The following TMEM184B variants were observed in gnomAD, a reference collection of about 807,000 sequenced individuals.
TMEM184B encodes the protein transmembrane protein 184B, also known as putative MAPK-activating protein FM08.
A neutral mutation model predicts 41.8 loss-of-function variants in TMEM184B; 17 were observed. That is an observed-to-expected ratio of 0.41 (90% CI 0.28 to 0.61). The LOEUF is 0.61. Ranked by LOEUF, TMEM184B falls within the 20% of genes least tolerant of loss-of-function variation. The pLI, the probability that TMEM184B is intolerant of heterozygous loss-of-function variation, is 0.34. For synonymous variants in TMEM184B, 240 were observed against 229.5 expected (o/e 1.05, Z -0.41); for missense variants, 393 against 557.8 (o/e 0.70, Z 2.98).
intron 3 of TMEM184B, among the ~76,000 whole-genome samples, chr22:38,236,230 C>G (rs1569027388): frequency 6.6e-6 from 1 of 152,176 alleles, no homozygotes; most frequent in Non-Finnish European, 1.5e-5. Context: ...CGCTCCCCAC[C>G]CCCATGCCCC....
intron 2 of TMEM184B, chr22:38,246,826 G>C (rs1359433919): frequency 7.7e-7 from 1 of 1,300,052 alleles, no homozygotes; most frequent in Non-Finnish European, 1.0e-6. Context: ...AGTCCAGGCA[G>C]CCCCTGGGTG....
At chr22:38,248,894 C>T (rs7290613) in intron 1 of TMEM184B, among the ~76,000 whole-genome samples, 6,113 of 152,268 alleles carry the variant, frequency 0.04, 399 homozygotes, top group African/African-American at 0.14. Context: ...ATGGCTGACC[C>T]ACTCCCCATC....
chr22:38,263,045 G>A (rs904516809), intron 1 of TMEM184B, among the ~76,000 whole-genome samples: 1 of 152,166 alleles, frequency 6.6e-6, no homozygotes, highest in Non-Finnish European at 1.5e-5. Context: ...TGGGATTACA[G>A]GCATGTACCA....
At chr22:38,261,435 G>A (rs1271980230) in intron 1 of TMEM184B, among the ~76,000 whole-genome samples, 2 of 152,142 alleles carry the variant, frequency 1.3e-5, no homozygotes, top group African/African-American at 4.8e-5. Context: ...CAAGTTCCCA[G>A]GAATCTCTCA....
rs1048711027 is a variant in TMEM184B, at chr22:38,244,528, C to A, written c.358+1407G>T. Among the ~76,000 whole-genome samples the A allele has an allele frequency of 1.4e-4, 22 of 152,106 alleles. 1 individual carries two copies. Among genetic ancestry groups the A allele is most frequent in the African/African-American group, 5.3e-4 (22 of 41,508 alleles). On this transcript the variant is annotated intron_variant, in intron 3 of 8. Transcript: ENST00000361906. Reference sequence around the variant, plus strand: ...CTGGAGTGCAATGGCACGACCTCAGCTCACCACAACCTCTGCCTCCCAGGT... The same window carrying A: ...CTGGAGTGCAATGGCACGACCTCAGATCACCACAACCTCTGCCTCCCAGGT...
In TMEM184B at chr22:38,221,199, G is replaced by A. The variant is rs988465393; in HGVS notation, c.*270C>T. On this transcript the variant is annotated 3_prime_UTR_variant, in exon 9 of 9. Transcript: ENST00000361906. Reference sequence around the variant, plus strand: ...TCCCAGCATGCCCCCAGCACAGGACGGGCAGCAGGGGCATAAGCCTTGCTC... The same window carrying A: ...TCCCAGCATGCCCCCAGCACAGGACAGGCAGCAGGGGCATAAGCCTTGCTC... The A allele has an allele frequency of 1.1e-5, 15 of 1,309,572 alleles. No homozygotes were observed. Among genetic ancestry groups the A allele is most frequent in the Non-Finnish European group, 1.5e-5 (15 of 1,029,220 alleles). 81.1% of individuals were successfully genotyped at this position (1,309,572 alleles called of 1,614,324 possible). A position where few individuals can be genotyped will look rare whatever the true frequency, so the allele number is the denominator to read the frequency against.
At chr22:38,268,404 C>T (rs536495499) in intron 1 of TMEM184B, among the ~76,000 whole-genome samples, 2 of 150,384 alleles carry the variant, frequency 1.3e-5, no homozygotes, top group East Asian at 3.9e-4. Flanking sequence ...AGAATTCTGG[C>T]AGACTCAGAC....
At chr22:38,231,094 G>T in intron 4 of TMEM184B, 150 bp downstream of exon 4, 1 of 743,806 alleles carries the variant, frequency 1.3e-6, no homozygotes, top group South Asian at 1.5e-5. Context: ...ACGCCCAGAA[G>T]AATGGCGTTG....
intron 3 of TMEM184B, among the ~76,000 whole-genome samples, chr22:38,235,681 G>A (rs866098094): frequency 1.3e-5 from 2 of 152,238 alleles, no homozygotes; most frequent in Non-Finnish European, 2.9e-5. Context: ...ACCGGCCCAA[G>A]CCTGGCCCCA....
At chr22:38,256,349 G>A (rs940256922) in intron 1 of TMEM184B, among the ~76,000 whole-genome samples, 1 of 151,828 alleles carries the variant, frequency 6.6e-6, no homozygotes, top group Non-Finnish European at 1.5e-5. Context: ...AAGTAGCTGG[G>A]ATTACAGGCA....
Position 38,220,731 on chromosome 22 carries a change from G to C in TMEM184B, c.*738C>G, listed in dbSNP as rs1454590107. 1.0e-6 allele frequency: 1 copy of C among 986,296 alleles called. No individual in the cohort carries two copies. The highest frequency in any genetic ancestry group is 1.1e-4 in the East Asian group (1 of 8,826). 61.1% of individuals were successfully genotyped at this position (986,296 alleles called of 1,614,324 possible). A position where few individuals can be genotyped will look rare whatever the true frequency, so the allele number is the denominator to read the frequency against. ...AAGTGAGCCGGCAGTGCGGGCTGTG[G>C]GCTGTCCTTGGTAGGCCAGGGGGAA... On this transcript the variant is annotated 3_prime_UTR_variant, in exon 9 of 9. Coordinates refer to ENST00000361906, the MANE Select transcript of TMEM184B (RefSeq NM_012264.5).
At position 38,220,240 on chromosome 22, in the gene TMEM184B, TCCTGACCACTCCTGAGGC is replaced by T. The variant is rs1352624988; in HGVS notation, c.*1211_*1228del. ...GAGGGGGAGAGGAGGGGCTTGGTGG[TCCTGACCACTCCTGAGGC>T]CTGTCCAAGGGCTCTGGGCCCAGCA... is the stretch of plus-strand genomic sequence containing the variant. On this transcript the variant is annotated 3_prime_UTR_variant, in exon 9 of 9. Coordinates refer to ENST00000361906, the MANE Select transcript of TMEM184B (RefSeq NM_012264.5). 1.0e-6 allele frequency: 1 copy of T among 985,582 alleles called. No homozygotes were observed. The highest frequency in any genetic ancestry group is 1.2e-6 in the Non-Finnish European group (1 of 829,996). The allele number at this position is 985,582 out of a possible 1,614,324, so 61.1% of individuals were successfully genotyped here.
At chr22:38,257,714 A>C (rs1284195164) in intron 1 of TMEM184B, among the ~76,000 whole-genome samples, 2 of 152,206 alleles carry the variant, frequency 1.3e-5, no homozygotes, top group African/African-American at 4.8e-5. Context: ...TGAAACAGTA[A>C]AGTAATATAC....
At chr22:38,227,701 T>A (rs984371317) in intron 5 of TMEM184B, among the ~76,000 whole-genome samples, 47 of 151,962 alleles carry the variant, frequency 3.1e-4, no homozygotes, top group African/African-American at 1.1e-3. Flanking sequence ...GACTCCCTGA[T>A]GAAAAGGATG....
chr22:38,253,805 A>C (rs75195572), intron 1 of TMEM184B, among the ~76,000 whole-genome samples: 2,697 of 152,310 alleles, frequency 0.018, 77 homozygotes, highest in African/African-American at 0.061. Context: ...GAAAAGTAAA[A>C]ACTTATGCAC....
At chr22:38,242,393 G>C (rs927219302) in intron 3 of TMEM184B, among the ~76,000 whole-genome samples, 4 of 151,944 alleles carry the variant, frequency 2.6e-5, no homozygotes, top group Non-Finnish European at 5.9e-5. Context: ...CAGGAGAATT[G>C]CTTGAACCCA....
intron 1 of TMEM184B, among the ~76,000 whole-genome samples, chr22:38,262,287 T>C (rs1654299359): frequency 6.6e-6 from 1 of 152,142 alleles, no homozygotes; most frequent in Non-Finnish European, 1.5e-5. Context: ...GGGAGCTTCC[T>C]TGGGTGCAGG....
chr22:38,219,464 A>G lies in TMEM184B; in HGVS notation c.*2005T>C, dbSNP rs2091199814. The stretch of plus-strand genomic sequence containing the variant: ...ACTAGGAGACTCTGTCTTCTCATAC[A>G]TCATACAATTAATTTTTCAAGTATT... On this transcript the variant is annotated 3_prime_UTR_variant, in exon 9 of 9. Coordinates refer to ENST00000361906, the MANE Select transcript of TMEM184B (RefSeq NM_012264.5). 1 of 985,656 alleles carries G rather than the reference A, an allele frequency of 1.0e-6. No individual in the cohort carries two copies. The highest frequency in any genetic ancestry group is 1.1e-4 in the East Asian group (1 of 8,812). 61.1% of individuals were successfully genotyped at this position (985,656 alleles called of 1,614,324 possible).
downstream of TMEM184B, among the ~76,000 whole-genome samples, chr22:38,219,127 C>T (rs1367726856): frequency 6.6e-6 from 1 of 152,206 alleles, no homozygotes; most frequent in Non-Finnish European, 1.5e-5. Flanking sequence ...CAAGGGGGGC[C>T]TGGGCCTTGA....
Sources: gnomAD v4.1 joint callset for allele counts (sites outside exome capture counted in the v4.1 genomes callset) on GRCh38, gnomAD v4.1.1 for gene constraint, MANE v1.5 for transcripts, NCBI Gene and HGNC (gene_info 2026-07-23, HGNC 2026-07-21) for gene names.